LRFN2: variants seen among roughly 807,000 people sequenced by gnomAD.
LRFN2 encodes the protein leucine-rich repeat and fibronectin type-III domain-containing protein 2.
LRFN2 carries 18 observed loss-of-function variants against 37.3 expected under a neutral mutation model. The ratio of observed to expected loss-of-function variants is 0.48; its 90% CI spans 0.33 to 0.72. The LOEUF is 0.72. Ranked by LOEUF, LRFN2 falls within the 30% of genes least tolerant of loss-of-function variation. LRFN2 has a pLI of 0.02. For missense variants in LRFN2, 1,006 were observed against 1,060.7 expected (o/e 0.95, Z 0.72); for synonymous variants, 556 against 466.6 (o/e 1.19, Z -2.47).
At chr6:40,528,305 T>A (rs1766291443) in intron 1 of LRFN2, among the ~76,000 whole-genome samples, 1 of 152,236 alleles carries the variant, frequency 6.6e-6, no homozygotes, top group African/African-American at 2.4e-5. Context: ...AACACAGGAA[T>A]GCCTGGATTC....
intron 1 of LRFN2, among the ~76,000 whole-genome samples, chr6:40,546,560 C>T (rs549470165): frequency 6.6e-6 from 1 of 152,308 alleles, no homozygotes; most frequent in East Asian, 1.9e-4. Context: ...AACCAACTCT[C>T]ATGAATCAGA....
In LRFN2 at chr6:40,455,022, C is replaced by T. The variant is rs571644296; in HGVS notation, c.-18-21891G>A. The stretch of plus-strand genomic sequence containing the variant: ...CTGGGAATCTAGGACATAAAAAAGA[C>T]GTCCTTTTTATTATACACACTTTTG... On this transcript the variant is annotated intron_variant, in intron 1 of 2. Transcript: ENST00000338305. Among the ~76,000 whole-genome samples, 5 of 152,264 alleles carry T rather than the reference C, an allele frequency of 3.3e-5. No homozygotes were observed. In the East Asian group the frequency reaches 5.8e-4, roughly 18 times the overall value.
intron 1 of LRFN2, among the ~76,000 whole-genome samples, chr6:40,528,530 A>G (rs774176922): frequency 1.3e-5 from 2 of 152,198 alleles, no homozygotes; most frequent in Non-Finnish European, 2.9e-5. Flanking sequence ...GTCAAAGTGG[A>G]GGGAGTCAAA....
chr6:40,573,581 G>A (rs1767224264), intron 1 of LRFN2, among the ~76,000 whole-genome samples: 1 of 152,242 alleles, frequency 6.6e-6, no homozygotes, highest in South Asian at 2.1e-4. Context: ...GTGGATATCA[G>A]AAACAACTGG....
chr6:40,566,630 A>G (rs981547689), intron 1 of LRFN2, among the ~76,000 whole-genome samples: 6 of 151,670 alleles, frequency 4.0e-5, no homozygotes, highest in Admixed American at 1.3e-4. Context: ...AAACTATCAC[A>G]TGGACAAAAA....
At chr6:40,582,247 T>C (rs1321584955) in intron 1 of LRFN2, among the ~76,000 whole-genome samples, 1 of 152,088 alleles carries the variant, frequency 6.6e-6, no homozygotes, top group Non-Finnish European at 1.5e-5. Context: ...TTTCTGCTTC[T>C]TTAGGTTGTT....
intron 1 of LRFN2, among the ~76,000 whole-genome samples, chr6:40,573,326 G>A (rs752480200): frequency 1.4e-4 from 21 of 152,392 alleles, no homozygotes; most frequent in Non-Finnish European, 2.2e-4. Context: ...GGTCAGGAGT[G>A]TGGGGCACTG....
chr6:40,460,641 G>A (rs1260381565), intron 1 of LRFN2, among the ~76,000 whole-genome samples: 1 of 152,158 alleles, frequency 6.6e-6, no homozygotes, highest in Non-Finnish European at 1.5e-5. Flanking sequence ...CATAGGAGAG[G>A]CCTACAAGGG....
chr6:40,532,699 G>A (rs923144407), intron 1 of LRFN2, among the ~76,000 whole-genome samples: 2 of 151,990 alleles, frequency 1.3e-5, no homozygotes, highest in South Asian at 2.1e-4. Context: ...TCTCTCCTCC[G>A]TGCACTTTTT....
chr6:40,432,018 C>T lies in LRFN2; in HGVS notation c.1096G>A (p.Gly366Arg), dbSNP rs1202622141. ...ACCTCCACCATGGCCGTGGCCTCTC[C>T]GGCAGCATTGGCAGCAATGCAGGTG... Reference protein sequence around the residue: ...AFTCIAANAAGEATAMVEVSI... With the variant: ...AFTCIAANAAREATAMVEVSI... Residue 366 changes from glycine (G) to arginine (R), a missense_variant, in exon 2 of 3, where the codon GGA (glycine) becomes AGA (arginine). This residue lies in a region of LRFN2 where 303 missense variants were observed against 299.8 expected (regional missense o/e 1.01). Transcript: ENST00000338305. 2.5e-6 allele frequency: 4 copies of T among 1,613,872 alleles called. No individual in the cohort carries two copies. Among genetic ancestry groups the T allele is most frequent in the Non-Finnish European group, 2.5e-6 (3 of 1,180,032 alleles).
At chr6:40,457,109 C>T (rs1347675370) in intron 1 of LRFN2, among the ~76,000 whole-genome samples, 5 of 152,020 alleles carry the variant, frequency 3.3e-5, no homozygotes, top group African/African-American at 4.8e-5. Flanking sequence ...CAAAACATAC[C>T]TGTTCTAATT....
rs56959942 is a variant in LRFN2 at position 40,474,367 on chromosome 6, C to T, written c.-18-41236G>A. Among the ~76,000 whole-genome samples, 1,230 of 152,328 alleles carry T rather than the reference C, an allele frequency of 8.1e-3. 16 individuals are homozygous for T. The highest frequency in any genetic ancestry group is 0.028 in the African/African-American group (1,168 of 41,572). On this transcript the variant is annotated intron_variant, in intron 1 of 2. Transcript: ENST00000338305. ...CTCCTTGGCTGTAGCTGGATCACTTCAGTCTCTGCCTCTGTCTTTACATGG... is the reference window on the plus strand; with the variant it reads ...CTCCTTGGCTGTAGCTGGATCACTTTAGTCTCTGCCTCTGTCTTTACATGG...
intron 1 of LRFN2, among the ~76,000 whole-genome samples, chr6:40,441,884 G>C (rs1474937040): frequency 6.6e-6 from 1 of 152,164 alleles, no homozygotes; most frequent in East Asian, 1.9e-4. Flanking sequence ...TCCAACCCTA[G>C]GAACCTGGAG....
intron 1 of LRFN2, among the ~76,000 whole-genome samples, chr6:40,507,750 A>G (rs1383258462): frequency 1.3e-5 from 2 of 152,166 alleles, no homozygotes; most frequent in African/African-American, 2.4e-5. Flanking sequence ...TGCTGTTTTG[A>G]TCATGCCTCT....
At chr6:40,505,151 T>A (rs1765499868) in intron 1 of LRFN2, among the ~76,000 whole-genome samples, 2 of 152,154 alleles carry the variant, frequency 1.3e-5, no homozygotes, top group South Asian at 4.1e-4. Flanking sequence ...CAGGTGGGCA[T>A]CTGTGATTGT....
intron 2 of LRFN2, among the ~76,000 whole-genome samples, chr6:40,424,663 G>A (rs1763308219): frequency 6.6e-6 from 1 of 152,020 alleles, no homozygotes; most frequent in South Asian, 2.1e-4. Context: ...TTTCCTCCCT[G>A]TCCACCCCTA....
At chr6:40,498,594 C>T (rs1411809839) in intron 1 of LRFN2, among the ~76,000 whole-genome samples, 1 of 152,200 alleles carries the variant, frequency 6.6e-6, no homozygotes, top group Non-Finnish European at 1.5e-5. Context: ...TATCCAAGGA[C>T]ACTCGTTCTC....
intron 2 of LRFN2, among the ~76,000 whole-genome samples, chr6:40,421,489 C>T (rs182149268): frequency 6.6e-6 from 1 of 152,274 alleles, no homozygotes; most frequent in East Asian, 1.9e-4. Context: ...TAAAGATGTT[C>T]TGATTGGCAA....
chr6:40,575,048 T>C (rs1328566882), intron 1 of LRFN2, among the ~76,000 whole-genome samples: 7 of 152,086 alleles, frequency 4.6e-5, no homozygotes, highest in South Asian at 4.1e-4. Context: ...CTTAGGATGA[T>C]GGAGGAAGTG....
Sources: allele counts gnomAD v4.1 joint callset (sites outside exome capture counted in the v4.1 genomes callset), GRCh38; gene constraint gnomAD v4.1.1; regional missense constraint gnomAD v4.1.1; transcripts MANE v1.5; gene names NCBI Gene and HGNC (gene_info 2026-07-23, HGNC 2026-07-21).